STRA6: variants seen among roughly 807,000 people sequenced by gnomAD.
The protein encoded by STRA6 is receptor for retinol uptake STRA6.
Under a neutral mutation model 83.6 loss-of-function variants are expected in STRA6, and 48 were observed. The observed-to-expected ratio is 0.57, with a 90% CI of 0.46 to 0.73. The LOEUF is 0.73. Among genes scored for constraint, STRA6 ranks in the 30% least tolerant of loss-of-function variants. STRA6 has a pLI of 0.00. For missense variants in STRA6, 760 were observed against 838.8 expected, an observed-to-expected ratio of 0.91 and a Z score of 1.16; for synonymous variants, 353 against 362.3, an observed-to-expected ratio of 0.97 and a Z score of 0.29.
upstream of STRA6, among the ~76,000 whole-genome samples, chr15:74,206,802 A>G (rs2074270674): frequency 6.6e-6 from 1 of 152,218 alleles, no homozygotes; most frequent in South Asian, 2.1e-4. Context: ...ACAAGGAGAG[A>G]GTAGCATAAG....
At chr15:74,186,103 C>T (rs979205508) in intron 12 of STRA6, among the ~76,000 whole-genome samples, 1 of 152,188 alleles carries the variant, frequency 6.6e-6, no homozygotes, top group Non-Finnish European at 1.5e-5. Context: ...GCCCATAGCC[C>T]AGCCTGCACC....
At chr15:74,197,857 G>GC in intron 2 of STRA6, 39 bp from the exon 3 acceptor site, 1 of 1,605,390 alleles carries the variant, frequency 6.2e-7, no homozygotes, top group Non-Finnish European at 8.5e-7. Flanking sequence ...CCTGCGTCAG[G>GC]CCCCCCTGGG....
chr15:74,202,738 A>T lies in STRA6; in HGVS notation c.-41T>A. On this transcript the variant is annotated 5_prime_UTR_variant, in exon 1 of 19. Transcript: ENST00000395105. Reference sequence around the variant, plus strand: ...CAGAAGGGAGGCCCAGGGAGGAAGGAGTTGCAGAGATGAAAGGGTAGGCAG... The same window carrying T: ...CAGAAGGGAGGCCCAGGGAGGAAGGTGTTGCAGAGATGAAAGGGTAGGCAG... 1.6e-6 allele frequency: 2 copies of T among 1,237,804 alleles called. No individual in the cohort carries two copies. The highest frequency in any genetic ancestry group is 6.9e-5 in the South Asian group (2 of 29,088). 76.7% of individuals were successfully genotyped at this position (1,237,804 alleles called of 1,614,324 possible). A position where few individuals can be genotyped will look rare whatever the true frequency, so the allele number is the denominator to read the frequency against.
In STRA6 at chr15:74,195,631, CTGTGATCT is replaced by C; in HGVS notation, c.430+13_430+20del. ...ATCCAGGCTCTGACTAGTCTCAACT[CTGTGATCT>C]TGGGCAAGTTACCTCTTGGAGCCTC... On this transcript the variant is annotated intron_variant, in intron 6 of 18. Transcript: ENST00000395105. 6.5e-7 allele frequency: 1 copy of C among 1,543,234 alleles called. No homozygotes were observed. The highest frequency in any genetic ancestry group is 1.7e-4 in the Middle Eastern group (1 of 5,988).
intron 8 of STRA6, among the ~76,000 whole-genome samples, chr15:74,192,780 C>G (rs1026243894): frequency 3.9e-5 from 6 of 152,218 alleles, no homozygotes; most frequent in Non-Finnish European, 7.3e-5. Context: ...GTTCTTCTTT[C>G]CCCTTTGAGG....
chr15:74,179,982 G>C lies in STRA6; in HGVS notation c.*98C>G, dbSNP rs537536912. ...ATCCGGAGGACCTGCTGGCTGCATGGCTGGTGTGATGCTGGGAGGAGAGCC... is the reference window on the plus strand; with the variant it reads ...ATCCGGAGGACCTGCTGGCTGCATGCCTGGTGTGATGCTGGGAGGAGAGCC... On this transcript the variant is annotated 3_prime_UTR_variant, in exon 19 of 19. Transcript: ENST00000395105. 59 of 1,503,204 alleles carry C rather than the reference G, an allele frequency of 3.9e-5. 1 individual carries two copies. In the South Asian group the frequency reaches 7.0e-4, roughly 18 times the overall value. The allele number at this position is 1,503,204 out of a possible 1,614,324, so 93.1% of individuals were successfully genotyped here. A position where few individuals can be genotyped will look rare whatever the true frequency, so the allele number is the denominator to read the frequency against.
intron 7 of STRA6, chr15:74,195,014 G>T (rs372613136): frequency 1.4e-6 from 2 of 1,434,668 alleles, no homozygotes; most frequent in Non-Finnish European, 1.8e-6. Flanking sequence ...GGCATTGGGG[G>T]TGGGGGCCAT....
chr15:74,202,876 A>C, upstream of STRA6: 1 of 1,013,166 alleles, frequency 9.9e-7, no homozygotes, highest in Non-Finnish European at 1.2e-6. Context: ...GGTGATGGAA[A>C]TACACCATAA....
At chr15:74,198,022 C>G (rs1339609134) in intron 2 of STRA6, among the ~76,000 whole-genome samples, 1 of 152,138 alleles carries the variant, frequency 6.6e-6, no homozygotes, top group Non-Finnish European at 1.5e-5. Flanking sequence ...CAGCCCCATG[C>G]CAAGCTCTGG....
chr15:74,209,386 A>G, upstream of STRA6: 3 of 1,535,518 alleles, frequency 2.0e-6, no homozygotes. Flanking sequence ...CATCACTCCC[A>G]GGGGGCCACT....
upstream of STRA6, chr15:74,202,819 C>T (rs912031692): frequency 9.1e-6 from 10 of 1,093,736 alleles, no homozygotes; most frequent in African/African-American, 1.6e-4. Flanking sequence ...CTCCCTTGAG[C>T]CCCTCCCCCA....
chr15:74,194,812 C>T (rs2142048364), intron 7 of STRA6: 1 of 1,306,272 alleles, frequency 7.7e-7, no homozygotes, highest in East Asian at 2.8e-5. Flanking sequence ...CCTGTACCAT[C>T]ACTCTTTGAG....
intron 11 of STRA6, 130 bp downstream of exon 11, chr15:74,190,710 T>C (rs2073487213): frequency 5.8e-6 from 8 of 1,371,142 alleles, no homozygotes; most frequent in Non-Finnish European, 1.0e-6. Flanking sequence ...ACTCCCAAGA[T>C]GGCCTGCAGC....
intron 8 of STRA6, among the ~76,000 whole-genome samples, chr15:74,192,346 T>C (rs2073588964): frequency 1.3e-5 from 2 of 152,090 alleles, no homozygotes; most frequent in Admixed American, 1.3e-4. Context: ...GACACAGGCT[T>C]CCTCGAGGGG....
rs1459261433 is a variant in STRA6 at position 74,193,756 on chromosome 15, T to C, written c.720+44A>G. 3 of 1,610,236 alleles carry C rather than the reference T, an allele frequency of 1.9e-6. No homozygotes were observed. The African/African-American group carries it at 4.0e-5, about 22-fold the overall frequency. On this transcript the variant is annotated intron_variant, in intron 8 of 18. Coordinates refer to ENST00000395105, the MANE Select transcript of STRA6 (RefSeq NM_022369.4). ...CCACAGATACGGGGGAGTAGGGCTG[T>C]CTTGGGTGCTGAGGAAGAGCTCATC... is the stretch of plus-strand genomic sequence containing the variant.
In STRA6 at chr15:74,190,864, T is replaced by C. The variant is rs780904854; in HGVS notation, c.903A>G (p.Thr301=). 3.2e-5 allele frequency: 52 copies of C among 1,614,088 alleles called. No homozygotes were observed. Among genetic ancestry groups the C allele is most frequent in the Non-Finnish European group, 4.2e-5 (49 of 1,180,000 alleles). ...HLPLKLVLSA[T]LTGTAIYQVA... Reference sequence around the variant, plus strand: ...CCTGGTAAATGGCCGTCCCTGTCAGTGTAGCTGAAAGCACCAGCTTCAGCG... The same window carrying C: ...CCTGGTAAATGGCCGTCCCTGTCAGCGTAGCTGAAAGCACCAGCTTCAGCG... Residue 301 remains threonine (T), a synonymous_variant, in exon 11 of 19, where the codon ACA becomes ACG. Transcript: ENST00000395105.
At chr15:74,203,812 G>A (rs1203093148), upstream of STRA6, among the ~76,000 whole-genome samples, 3 of 152,098 alleles carry the variant, frequency 2.0e-5, no homozygotes, top group Non-Finnish European at 2.9e-5. Flanking sequence ...GAGCATTTGG[G>A]GATGGGGGGA....
chr15:74,190,713 C>A, intron 11 of STRA6, 127 bp downstream of exon 11: 2 of 1,407,900 alleles, frequency 1.4e-6, no homozygotes, highest in Non-Finnish European at 2.0e-6. Context: ...CCCAAGATGG[C>A]CTGCAGCACC....
chr15:74,197,480 A>G, intron 3 of STRA6, 57 bp from the exon 4 acceptor site: 1 of 1,430,270 alleles, frequency 7.0e-7, no homozygotes, highest in Non-Finnish European at 9.6e-7. Context: ...TGAGGGTCTG[A>G]GTTTGAGGGC....
Sources: allele counts gnomAD v4.1 joint callset (sites outside exome capture counted in the v4.1 genomes callset), GRCh38; gene constraint gnomAD v4.1.1; transcripts MANE v1.5; gene names NCBI Gene and HGNC (gene_info 2026-07-23, HGNC 2026-07-21).